The following CAPNS1 variants were observed in gnomAD, a reference collection of about 807,000 sequenced individuals.
The protein encoded by CAPNS1 is calpain small subunit 1.
In CAPNS1, 32 loss-of-function variants were observed where a neutral mutation model predicts 39.2. The ratio of observed to expected loss-of-function variants is 0.82; its 90% confidence interval spans 0.62 to 1.10. CAPNS1 has a LOEUF of 1.10. CAPNS1 is among the 50% of genes least tolerant of loss of function. The pLI, the probability that CAPNS1 is intolerant of heterozygous loss-of-function variation, is 0.00. For missense variants in CAPNS1, 353 were observed against 373.1 expected, an observed-to-expected ratio of 0.95 and a Z score of 0.44; for synonymous variants, 153 against 136.2, an observed-to-expected ratio of 1.12 and a Z score of -0.86.
chr19:36,141,143 CGGCGGCGGCGGTGGTGGA>C lies in CAPNS1; in HGVS notation c.141_158del (p.Gly51_Gly56del), dbSNP rs1404513182. On this transcript the variant is annotated inframe_deletion, in exon 2 of 11. Coordinates refer to ENST00000246533, the MANE Select transcript of CAPNS1 (RefSeq NM_001749.4). ...CCGGGGGCGGCGGCGGCGGCGGCGG[CGGCGGCGGCGGTGGTGGA>C]GGCGGCGGTGGCGGTGGAACGGCCA... 8 of 1,386,376 alleles carry C rather than the reference CGGCGGCGGCGGTGGTGGA, an allele frequency of 5.8e-6. No homozygotes were observed. Among genetic ancestry groups the C allele is most frequent in the African/African-American group, 3.1e-5 (2 of 64,878 alleles). 85.9% of individuals were successfully genotyped at this position (1,386,376 alleles called of 1,614,324 possible). A position where few individuals can be genotyped will look rare whatever the true frequency, so the allele number is the denominator to read the frequency against.
chr19:36,149,679 C>T (rs376137879), intron 10 of CAPNS1, 43 bp downstream of exon 10: 2 of 1,591,160 alleles, frequency 1.3e-6, no homozygotes, highest in African/African-American at 2.7e-5. Flanking sequence ...GGGAGGACCC[C>T]ACCCCTCAGC....
In CAPNS1 at chr19:36,149,940, G is replaced by A. The variant is rs766791738; in HGVS notation, c.*101G>A. On this transcript the variant is annotated 3_prime_UTR_variant, in exon 11 of 11. Transcript: ENST00000246533. ...TCCTGTCTGCAGTCACATCTTTGTG[G>A]GGCCTGCTGACCCACAAGCTTTTGT... 76 of 1,135,042 alleles carry A rather than the reference G, an allele frequency of 6.7e-5. 1 individual carries two copies. In the Middle Eastern group the frequency reaches 1.5e-3, roughly 22 times the overall value. The allele number at this position is 1,135,042 out of a possible 1,614,324, so 70.3% of individuals were successfully genotyped here.
chr19:36,149,644 C>T lies in CAPNS1; in HGVS notation c.780+8C>T, dbSNP rs1460976943. 3.2e-6 allele frequency: 5 copies of T among 1,577,048 alleles called. No homozygotes were observed. Among genetic ancestry groups the T allele is most frequent in the Non-Finnish European group, 4.3e-6 (5 of 1,161,578 alleles). Reference sequence around the variant, plus strand: ...CAGGTGAACATCCAGGAGGTAAGGACCCCCATATTGGGGTATGGGTGCCTG... The same window carrying T: ...CAGGTGAACATCCAGGAGGTAAGGATCCCCATATTGGGGTATGGGTGCCTG... On this transcript the variant is annotated splice_region_variant and intron_variant, in intron 10 of 10. Coordinates refer to ENST00000246533, the MANE Select transcript of CAPNS1 (RefSeq NM_001749.4).
chr19:36,142,261 C>T (rs754371062), intron 2 of CAPNS1, 39 bp from the exon 3 acceptor site: 6 of 1,496,194 alleles, frequency 4.0e-6, no homozygotes, highest in Middle Eastern at 1.7e-4. Flanking sequence ...TTGGAGGCCC[C>T]GCCCCTGGCA....
Position 36,142,343 on chromosome 19 carries a change from C to A in CAPNS1, c.243+10C>A. 6.7e-7 allele frequency: 1 copy of A among 1,503,428 alleles called. No homozygotes were observed. Among genetic ancestry groups the A allele is most frequent in the Non-Finnish European group, 9.1e-7 (1 of 1,100,478 alleles). 93.1% of individuals were successfully genotyped at this position (1,503,428 alleles called of 1,614,324 possible). A position where few individuals can be genotyped will look rare whatever the true frequency, so the allele number is the denominator to read the frequency against. The stretch of plus-strand genomic sequence containing the variant: ...CAACCCGGAGCCCCCGGTAAGCCCC[C>A]TCTGCAACCAGACCCCCTTCTCCTG... On this transcript the variant is annotated intron_variant, in intron 3 of 10. Transcript: ENST00000246533.
intron 6 of CAPNS1, 131 bp from the exon 7 acceptor site, chr19:36,145,675 T>C: frequency 4.5e-6 from 3 of 660,694 alleles, no homozygotes. Flanking sequence ...CCAGGTGATA[T>C]GACTAGGACC....
At chr19:36,142,159 G>A in intron 2 of CAPNS1, 141 bp from the exon 3 acceptor site, 1 of 752,078 alleles carries the variant, frequency 1.3e-6, no homozygotes, top group Non-Finnish European at 2.5e-6. Context: ...GACAGATGAG[G>A]ACAAGAACAA....
chr19:36,148,812 CAAA>C (rs34740376), intron 9 of CAPNS1, among the ~76,000 whole-genome samples: 1 of 144,186 alleles, frequency 6.9e-6, no homozygotes, highest in East Asian at 2.0e-4. Flanking sequence ...GACTCTGTCT[CAAA>C]AAAAAAAAGA....
At chr19:36,140,796 G>A in intron 1 of CAPNS1, 1 of 591,400 alleles carries the variant, frequency 1.7e-6, no homozygotes, top group Non-Finnish European at 2.8e-6. Context: ...AGCCCCACGG[G>A]TGCCTTTTAG....
intron 9 of CAPNS1, among the ~76,000 whole-genome samples, chr19:36,146,631 G>A (rs1391537840): frequency 6.6e-6 from 1 of 152,110 alleles, no homozygotes. Flanking sequence ...ATTGTGCTTG[G>A]GGAAGCCTAG....
At position 36,145,864 on chromosome 19, in the gene CAPNS1, A is replaced by G; in HGVS notation, c.515A>G (p.Lys172Arg). Residue 172 changes from lysine (K) to arginine (R), a missense_variant, in exon 7 of 11, where the codon AAA (lysine) becomes AGA (arginine). Lys to Arg is a conservative substitution (Grantham distance 26, BLOSUM62 2). Coordinates refer to ENST00000246533, the MANE Select transcript of CAPNS1 (RefSeq NM_001749.4). ...EEFKYLWNNIKRWQAIYKQFD... is the reference protein window; with the variant it reads ...EEFKYLWNNIRRWQAIYKQFD... ...TTCAAGTACTTGTGGAACAACATCA[A>G]AAGGTGGCAGGTGTGTAGAAACCTC... is the stretch of plus-strand genomic sequence containing the variant. 14 of 1,614,204 alleles carry G rather than the reference A, an allele frequency of 8.7e-6. No individual in the cohort carries two copies. Among genetic ancestry groups the G allele is most frequent in the Non-Finnish European group, 1.2e-5 (14 of 1,180,026 alleles).
intron 6 of CAPNS1, among the ~76,000 whole-genome samples, chr19:36,145,199 T>TTC (rs1277885855): frequency 1.8e-5 from 2 of 113,266 alleles, no homozygotes; most frequent in Non-Finnish European, 3.4e-5. Flanking sequence ...TTTCTTTTCT[T>TTC]TCTCTTTTTT....
intron 2 of CAPNS1, among the ~76,000 whole-genome samples, 155 bp from the exon 3 acceptor site, chr19:36,142,145 T>C (rs898534243): frequency 1.3e-5 from 2 of 151,884 alleles, no homozygotes; most frequent in African/African-American, 4.8e-5. Flanking sequence ...GCAGTGTGGA[T>C]TGGGACAGAT....
Position 36,142,299 on chromosome 19 carries a change from G to A in CAPNS1, c.210-1G>A, listed in dbSNP as rs1974402517. Reference sequence around the variant, plus strand: ...AACCCCTCCCCCTTATCTCTTCGCAGCGAGGCGGCTGCGCAGTACAACCCG... The same window carrying A: ...AACCCCTCCCCCTTATCTCTTCGCAACGAGGCGGCTGCGCAGTACAACCCG... On this transcript the variant is annotated splice_acceptor_variant, in intron 2 of 10. Coordinates refer to ENST00000246533, the MANE Select transcript of CAPNS1 (RefSeq NM_001749.4). LOFTEE classifies it high-confidence loss of function. 1 of 1,592,926 alleles carries A rather than the reference G, an allele frequency of 6.3e-7. No individual in the cohort carries two copies. Among genetic ancestry groups the A allele is most frequent in the Non-Finnish European group, 8.6e-7 (1 of 1,165,454 alleles).
At chr19:36,141,385 G>A in intron 2 of CAPNS1, 165 bp downstream of exon 2, 3 of 1,343,520 alleles carry the variant, frequency 2.2e-6, no homozygotes, top group Non-Finnish European at 2.9e-6. Context: ...TCTGCTGTAA[G>A]GGGGTGGACC....
At position 36,149,812 on chromosome 19, in the gene CAPNS1, GT is replaced by G. The variant is rs1272392529; in HGVS notation, c.781del (p.Trp261GlyfsTer4). 2 of 1,508,640 alleles carry G rather than the reference GT, an allele frequency of 1.3e-6. No homozygotes were observed. Among genetic ancestry groups the G allele is most frequent in the African/African-American group, 1.4e-5 (1 of 71,152 alleles). 93.5% of individuals were successfully genotyped at this position (1,508,640 alleles called of 1,614,324 possible). ...CTCACTCTCCACCCTCCTCTCCCCAGTGGCTGCAGCTGACTATGTATTCCTG... is the reference window on the plus strand; with the variant it reads ...CTCACTCTCCACCCTCCTCTCCCCAGGGCTGCAGCTGACTATGTATTCCTG... ...TGQIQVNIQE[W>X]LQLTMYS On this transcript the variant is annotated frameshift_variant and splice_region_variant, in exon 11 of 11. Transcript: ENST00000246533. LOFTEE classifies it high-confidence loss of function.
rs761305858 is a variant in CAPNS1, at chr19:36,143,148, G to A, written c.456+20G>A. 5 of 1,611,442 alleles carry A rather than the reference G, an allele frequency of 3.1e-6. No homozygotes were observed. The highest frequency in any genetic ancestry group is 2.5e-6 in the Non-Finnish European group (3 of 1,177,936). ...ATGGATGTATCCTTGGGGGCAGTGT[G>A]GGAGAGGCCCTGGGTGGACAGAGAG... is the stretch of plus-strand genomic sequence containing the variant. On this transcript the variant is annotated intron_variant, in intron 6 of 10. Transcript: ENST00000246533.
At chr19:36,145,186 A>C (rs1206303632) in intron 6 of CAPNS1, among the ~76,000 whole-genome samples, 1 of 146,786 alleles carries the variant, frequency 6.8e-6, no homozygotes, top group East Asian at 2.1e-4. Context: ...TACTGTCAAG[A>C]ATTTTCTTTT....
chr19:36,149,340 A>G (rs1023951317), intron 9 of CAPNS1, among the ~76,000 whole-genome samples: 2 of 152,090 alleles, frequency 1.3e-5, no homozygotes, highest in African/African-American at 4.8e-5. Context: ...TGTTGGGATT[A>G]TAGGTGTGAG....
Sources: gnomAD v4.1 joint callset for allele counts (sites outside exome capture counted in the v4.1 genomes callset) on GRCh38, gnomAD v4.1.1 for gene constraint, MANE v1.5 for transcripts, NCBI Gene and HGNC (gene_info 2026-07-23, HGNC 2026-07-21) for gene names.